Variants in ZFX observed in about 807,000 individuals in gnomAD.
The protein encoded by ZFX is zinc finger protein X-linked, also known as zinc finger X-chromosomal protein.
For missense variants in ZFX, 362 were observed against 628.3 expected, an observed-to-expected ratio of 0.58 and a Z score of 4.53; for synonymous variants, 196 against 226.8, an observed-to-expected ratio of 0.86 and a Z score of 1.22.
Position 24,179,589 on chromosome X carries a change from T to A in ZFX, c.465T>A (p.His155Gln), listed in dbSNP as rs149552647. 1.0e-3 allele frequency: 1,271 copies of A among 1,210,481 alleles called. 5 individuals are homozygous for A. Among genetic ancestry groups the A allele is most frequent in the South Asian group, 8.2e-3 (465 of 56,874 alleles). The part of the protein sequence containing the change: ...GHVGHVGHVE[H>Q]VVHDSVVEAE... ...TTGGACATGTTGGACATGTTGAACA[T>A]GTGGTTCATGATAGTGTAGTGGAAG... is the stretch of plus-strand genomic sequence containing the variant. The change falls in exon 5 of 10, where the codon CAT becomes CAA. Residue 155 changes from histidine to glutamine, a missense_variant. Physicochemically the swap from His to Gln is conservative, Grantham distance 24 (BLOSUM62 0). Coordinates refer to ENST00000304543, the MANE Select transcript of ZFX (RefSeq NM_003410.4).
At chrX:24,149,487 G>C (rs1931699395), upstream of ZFX, 1 of 111,869 alleles carries the variant, frequency 8.9e-6, no homozygotes, top group Non-Finnish European at 1.9e-5. Context: ...CCCCGCCGCA[G>C]CGAGGCCACT....
chrX:24,169,104 A>G (rs1934308989), intron 3 of ZFX, among the ~76,000 whole-genome samples: 1 of 111,591 alleles, frequency 9.0e-6, no homozygotes, highest in Admixed American at 9.6e-5. Context: ...GAGGGGTTAC[A>G]AAGTTGAGGT....
chrX:24,200,736 C>T (rs1318684767), intron 5 of ZFX, among the ~76,000 whole-genome samples: 1 of 111,791 alleles, frequency 8.9e-6, no homozygotes, highest in Non-Finnish European at 1.9e-5. Flanking sequence ...AGATAAAGGT[C>T]TGAGTTCTAA....
intron 3 of ZFX, among the ~76,000 whole-genome samples, chrX:24,160,205 A>G (rs1380634266): frequency 9.3e-6 from 1 of 107,019 alleles, no homozygotes; most frequent in Non-Finnish European, 1.9e-5. Context: ...GGCTTAGCTC[A>G]TTCATATTTA....
At chrX:24,196,287 A>G (rs754729101) in intron 5 of ZFX, among the ~76,000 whole-genome samples, 2 of 110,719 alleles carry the variant, frequency 1.8e-5, no homozygotes, top group South Asian at 3.8e-4. Context: ...TAATTTTTCT[A>G]TTTTTAGTAG....
At chrX:24,198,171 T>C (rs1327525018) in intron 5 of ZFX, among the ~76,000 whole-genome samples, 3 of 112,304 alleles carry the variant, frequency 2.7e-5, no homozygotes, top group Non-Finnish European at 3.8e-5. Flanking sequence ...TTGTGTATTA[T>C]AGGCAAAATA....
At chrX:24,192,040 G>A (rs1312948126) in intron 5 of ZFX, among the ~76,000 whole-genome samples, 2 of 111,849 alleles carry the variant, frequency 1.8e-5, no homozygotes, top group Non-Finnish European at 3.8e-5. Context: ...GGGACCCTGA[G>A]GATGTTGAAT....
intron 5 of ZFX, among the ~76,000 whole-genome samples, chrX:24,196,301 C>T (rs761643314): frequency 7.2e-5 from 8 of 111,005 alleles, no homozygotes; most frequent in Non-Finnish European, 1.3e-4. Context: ...TTAGTAGAGA[C>T]GGGGTTTCTC....
chrX:24,215,798 AG>A lies in ZFX; in HGVS notation c.*4423del, dbSNP rs1340942910. On this transcript the variant is annotated 3_prime_UTR_variant, in exon 10 of 10. Coordinates refer to ENST00000304543, the MANE Select transcript of ZFX (RefSeq NM_003410.4). ...GGTTACATTCTTCAAAGGTAAACTGAGTTGAGAGGAAGATTCAGCATTTAAA... is the reference window on the plus strand; with the variant it reads ...GGTTACATTCTTCAAAGGTAAACTGATTGAGAGGAAGATTCAGCATTTAAA... 2.7e-5 allele frequency: 3 copies of A among 109,997 alleles called. No individual in the cohort carries two copies. Among genetic ancestry groups the A allele is most frequent in the African/African-American group, 1.0e-4 (3 of 30,122 alleles). The allele number at this position is 109,997 out of a possible 1,213,427, so 9.1% of individuals were successfully genotyped here.
chrX:24,163,357 T>C (rs1439857363), intron 3 of ZFX, among the ~76,000 whole-genome samples: 2 of 91,946 alleles, frequency 2.2e-5, no homozygotes, highest in African/African-American at 7.8e-5. Flanking sequence ...TAAATTATTT[T>C]TGTTAGGTTT....
chrX:24,183,801 C>T (rs1046518543), intron 5 of ZFX, among the ~76,000 whole-genome samples: 19 of 41,074 alleles, frequency 4.6e-4, no homozygotes, highest in African/African-American at 1.3e-3. Context: ...GGCTCCACCT[C>T]GGCTCACTGC....
At chrX:24,183,228 A>G (rs1294627318) in intron 5 of ZFX, among the ~76,000 whole-genome samples, 4 of 111,972 alleles carry the variant, frequency 3.6e-5, no homozygotes, top group African/African-American at 1.3e-4. Context: ...TCTGTTGCCC[A>G]GGCTGGAGTG....
intron 5 of ZFX, among the ~76,000 whole-genome samples, chrX:24,180,480 C>T (rs1221056316): frequency 9.2e-6 from 1 of 108,187 alleles, no homozygotes; most frequent in Non-Finnish European, 1.9e-5. Context: ...CTCTCGAGTT[C>T]AAGTGATTCT....
At chrX:24,160,472 T>C (rs2520331) in intron 3 of ZFX, among the ~76,000 whole-genome samples, 1,826 of 110,028 alleles carry the variant, frequency 0.017, 17 homozygotes, top group Non-Finnish European at 0.025. Context: ...CTAATTTTTG[T>C]ATTTTTAGTA....
chrX:24,172,901 C>T (rs1377519915), intron 4 of ZFX, 101 bp downstream of exon 4: 1 of 851,241 alleles, frequency 1.2e-6, no homozygotes, highest in Non-Finnish European at 1.6e-6. Context: ...CACAGGTTAT[C>T]TTGTTATCCT....
chrX:24,160,060 T>C (rs1020376337), intron 3 of ZFX, among the ~76,000 whole-genome samples: 1 of 110,884 alleles, frequency 9.0e-6, no homozygotes, highest in African/African-American at 3.3e-5. Flanking sequence ...TGATCAGTAT[T>C]GCCAGTAACT....
At chrX:24,163,220 GGTGT>G (rs57212971) in intron 3 of ZFX, among the ~76,000 whole-genome samples, 5 of 86,439 alleles carry the variant, frequency 5.8e-5, no homozygotes, top group Non-Finnish European at 8.7e-5. Flanking sequence ...CAAGGTCTGT[GGTGT>G]GTGTGTGTGT....
chrX:24,197,222 C>T (rs1019578015), intron 5 of ZFX, among the ~76,000 whole-genome samples: 78 of 111,422 alleles, frequency 7.0e-4, no homozygotes, highest in African/African-American at 2.3e-3. Context: ...GTAATCCCAG[C>T]GCTGTAGGAA....
chrX:24,165,624 T>G (rs1222059042), intron 3 of ZFX, among the ~76,000 whole-genome samples: 1 of 112,604 alleles, frequency 8.9e-6, no homozygotes, highest in Non-Finnish European at 1.9e-5. Flanking sequence ...GTACTGCATT[T>G]GACAGAAATT....
Sources: allele counts gnomAD v4.1 joint callset (sites outside exome capture counted in the v4.1 genomes callset), GRCh38; gene constraint gnomAD v4.1.1; transcripts MANE v1.5; gene names NCBI Gene and HGNC (gene_info 2026-07-23, HGNC 2026-07-21).